Variants in FGF14 observed in about 807,000 individuals in gnomAD.
FGF14 encodes fibroblast growth factor 14, also known as fibroblast growth factor homologous factor 4.
FGF14 carries 5 observed loss-of-function variants against 25.5 expected under a neutral mutation model. That is an observed-to-expected ratio of 0.20 (90% CI 0.10 to 0.41). The LOEUF is 0.41. Ranked by LOEUF, FGF14 falls within the 10% of genes least tolerant of loss-of-function variation. The pLI, the probability that FGF14 is intolerant of heterozygous loss-of-function variation, is 1.00. For synonymous variants in FGF14, 138 were observed against 118.3 expected, an observed-to-expected ratio of 1.17 and a Z score of -1.08; for missense variants, 222 against 320.1, an observed-to-expected ratio of 0.69 and a Z score of 2.34.
chr13:101,767,837 G>A (rs900810476), intron 3 of FGF14, among the ~76,000 whole-genome samples: 3 of 152,216 alleles, frequency 2.0e-5, no homozygotes, highest in East Asian at 1.9e-4. Flanking sequence ...TTGACCATAC[G>A]TATTTTGAGA....
chr13:102,286,667 A>G (rs1008849457), intron 1 of FGF14, among the ~76,000 whole-genome samples: 2 of 152,214 alleles, frequency 1.3e-5, no homozygotes, highest in African/African-American at 2.4e-5. Flanking sequence ...AAAATGCTCA[A>G]TAAGTCCATA....
At position 101,722,801 on chromosome 13, in the gene FGF14, G is replaced by A. The variant is rs763222558; in HGVS notation, c.*30C>T. 5.8e-5 allele frequency: 94 copies of A among 1,612,690 alleles called. No individual in the cohort carries two copies. In the South Asian group the frequency reaches 8.9e-4, roughly 15 times the overall value. The stretch of plus-strand genomic sequence containing the variant: ...TAAATCACTCAACTGTGCTCAGGAC[G>A]AATAAGTCACAACACCTGTGAGGAT... On this transcript the variant is annotated 3_prime_UTR_variant, in exon 5 of 5. Coordinates refer to ENST00000376143, the MANE Select transcript of FGF14 (RefSeq NM_004115.4).
chr13:102,260,152 G>A (rs1231016263), intron 1 of FGF14, among the ~76,000 whole-genome samples: 2 of 152,040 alleles, frequency 1.3e-5, no homozygotes, highest in South Asian at 2.1e-4. Flanking sequence ...GCGGGAGGAG[G>A]GGAGGAGAGA....
chr13:102,369,789 T>C (rs1441020426), intron 1 of FGF14, among the ~76,000 whole-genome samples: 2 of 152,170 alleles, frequency 1.3e-5, no homozygotes, highest in Non-Finnish European at 1.5e-5. Context: ...TACATTTAAA[T>C]AGTACATTGT....
chr13:102,199,677 G>A (rs2049524226), intron 1 of FGF14, among the ~76,000 whole-genome samples: 2 of 152,054 alleles, frequency 1.3e-5, no homozygotes, highest in South Asian at 2.1e-4. Context: ...ATCCCATGCT[G>A]TAACCCACTC....
At chr13:102,245,547 G>A (rs914463394) in intron 1 of FGF14, among the ~76,000 whole-genome samples, 6 of 151,922 alleles carry the variant, frequency 3.9e-5, no homozygotes, top group Non-Finnish European at 7.4e-5. Flanking sequence ...CTTAGAAGTA[G>A]AAAAAAATTA....
At chr13:101,916,424 C>A in intron 1 of FGF14, 29 bp downstream of exon 1, 1 of 1,612,502 alleles carries the variant, frequency 6.2e-7, no homozygotes, top group South Asian at 1.1e-5. Context: ...CGACCCGGGG[C>A]GCATCTCCCG....
intron 1 of FGF14, among the ~76,000 whole-genome samples, chr13:102,133,021 C>T (rs546246169): frequency 1.3e-5 from 2 of 152,282 alleles, no homozygotes; most frequent in South Asian, 4.1e-4. Flanking sequence ...GCTATCAAAA[C>T]CATCAAAACT....
intron 1 of FGF14, among the ~76,000 whole-genome samples, chr13:101,877,011 A>C (rs1417039613): frequency 6.6e-6 from 1 of 152,166 alleles, no homozygotes; most frequent in Non-Finnish European, 1.5e-5. Context: ...AAAAATGAGA[A>C]TATTAGTGAT....
At chr13:102,341,729 CTCT>C (rs71752774) in intron 1 of FGF14, among the ~76,000 whole-genome samples, 16,480 of 152,136 alleles carry the variant, frequency 0.11, 1,992 homozygotes, top group African/African-American at 0.3. Flanking sequence ...TATGGTATTA[CTCT>C]TCTTTTTACT....
At chr13:101,792,202 T>A (rs2040275325) in intron 3 of FGF14, among the ~76,000 whole-genome samples, 1 of 152,088 alleles carries the variant, frequency 6.6e-6, no homozygotes, top group Non-Finnish European at 1.5e-5. Flanking sequence ...GTATAAAGAT[T>A]AACAACTACA....
Position 101,722,932 on chromosome 13 carries a change from C to T in FGF14, c.643G>A (p.Gly215Arg). ...ACCCCAGGCTTCGGGACCGTTTCCCCAACATCATGCAAAGATGGTTCTCGG... is the reference window on the plus strand; with the variant it reads ...ACCCCAGGCTTCGGGACCGTTTCCCTAACATCATGCAAAGATGGTTCTCGG... ...MYREPSLHDV[G>R]ETVPKPGVTP... is the part of the protein sequence containing the mutation. The change falls in exon 5 of 5, where the codon GGG becomes AGG. Residue 215 changes from glycine to arginine, a missense_variant. By Grantham distance (125) the Gly-to-Arg change is moderately radical. This residue lies in a region of FGF14 where 66 missense variants were observed against 90.3 expected (regional missense o/e 0.73). Coordinates refer to ENST00000376143, the MANE Select transcript of FGF14 (RefSeq NM_004115.4). 6.2e-7 allele frequency: 1 copy of T among 1,613,274 alleles called. No homozygotes were observed. The highest frequency in any genetic ancestry group is 8.5e-7 in the Non-Finnish European group (1 of 1,179,500).
In FGF14 at chr13:101,898,970, C is replaced by T. The variant is rs138525009; in HGVS notation, c.193+17483G>A. Among the ~76,000 whole-genome samples the T allele has an allele frequency of 6.1e-3, 923 of 152,196 alleles. 8 individuals carry two copies. The highest frequency in any genetic ancestry group is 0.021 in the African/African-American group (862 of 41,552). Reference sequence around the variant, plus strand: ...GAAGGCAAAAAGCTGAGAATCAGAGCAAAGCTTTTGGCAATCCACAATGCT... The same window carrying T: ...GAAGGCAAAAAGCTGAGAATCAGAGTAAAGCTTTTGGCAATCCACAATGCT... On this transcript the variant is annotated intron_variant, in intron 1 of 4. Coordinates refer to ENST00000376143, the MANE Select transcript of FGF14 (RefSeq NM_004115.4).
At chr13:102,294,810 T>C (rs543530766) in intron 1 of FGF14, among the ~76,000 whole-genome samples, 4 of 152,300 alleles carry the variant, frequency 2.6e-5, no homozygotes, top group South Asian at 2.1e-4. Context: ...ACCATCTGTG[T>C]GACCTCTATC....
intron 1 of FGF14, among the ~76,000 whole-genome samples, chr13:102,077,923 G>A (rs2043437640): frequency 6.6e-6 from 1 of 151,900 alleles, no homozygotes; most frequent in Non-Finnish European, 1.5e-5. Context: ...TTTTAAATGT[G>A]GTATATATAT....
intron 1 of FGF14, among the ~76,000 whole-genome samples, chr13:102,364,761 G>C (rs994208537): frequency 1.8e-4 from 28 of 152,218 alleles, no homozygotes; most frequent in African/African-American, 6.7e-4. Flanking sequence ...CAGAAACCAC[G>C]GTCTCTCCGA....
chr13:101,802,244 G>T (rs2040916351), intron 3 of FGF14: 2 of 264,164 alleles, frequency 7.6e-6, no homozygotes, highest in African/African-American at 4.5e-5. Context: ...GTGAGATGTG[G>T]AATAACTTAA....
chr13:102,304,553 A>G (rs1049452740), intron 1 of FGF14, among the ~76,000 whole-genome samples: 26 of 152,308 alleles, frequency 1.7e-4, no homozygotes, highest in African/African-American at 6.0e-4. Flanking sequence ...GACTCCAGTG[A>G]TTCTCACTTC....
At chr13:101,797,772 T>TGCGCGCGTGC (rs1555384574) in intron 3 of FGF14, among the ~76,000 whole-genome samples, 6 of 145,668 alleles carry the variant, frequency 4.1e-5, no homozygotes, top group Admixed American at 2.8e-4. Context: ...TGTGTGTGTG[T>TGCGCGCGTGC]GTGTGTGTGT....
Sources: gnomAD v4.1 joint callset for allele counts (sites outside exome capture counted in the v4.1 genomes callset) on GRCh38, gnomAD v4.1.1 for gene constraint, gnomAD v4.1.1 regional missense constraint, MANE v1.5 for transcripts, NCBI Gene and HGNC (gene_info 2026-07-23, HGNC 2026-07-21) for gene names.